Variants in CDC73 observed in about 807,000 individuals in gnomAD.
CDC73 encodes parafibromin.
Under a neutral mutation model 83.7 loss-of-function variants are expected in CDC73, and 21 were observed. The ratio of observed to expected loss-of-function variants is 0.25; its 90% CI spans 0.18 to 0.36. The LOEUF (loss-of-function observed/expected upper bound fraction) is 0.36, where lower values mean the gene tolerates loss of function less well. Ranked by LOEUF, CDC73 falls within the 10% of genes least tolerant of loss-of-function variation. CDC73 has a pLI of 1.00. For missense variants in CDC73, 342 were observed against 653.3 expected (o/e 0.52, Z 5.19); for synonymous variants, 224 against 212.9 (o/e 1.05, Z -0.45).
chr1:193,223,086 C>G (rs989557308), intron 13 of CDC73, among the ~76,000 whole-genome samples: 9 of 151,996 alleles, frequency 5.9e-5, no homozygotes, highest in Admixed American at 1.3e-4. Flanking sequence ...TTCTTTTTTA[C>G]TGTACATATT....
chr1:193,181,576 A>G (rs2103159536), intron 10 of CDC73: 1 of 1,561,958 alleles, frequency 6.4e-7, no homozygotes, highest in Non-Finnish European at 8.6e-7. Flanking sequence ...GTAAATATCC[A>G]GTAGTGGTAT....
intron 1 of CDC73, among the ~76,000 whole-genome samples, chr1:193,124,633 A>G (rs1382171452): frequency 6.6e-6 from 1 of 152,214 alleles, no homozygotes; most frequent in Admixed American, 6.5e-5. Flanking sequence ...GGATGCCATA[A>G]CAGTCATACC....
At chr1:193,220,858 TA>T (rs1482163043) in intron 13 of CDC73, among the ~76,000 whole-genome samples, 6 of 152,308 alleles carry the variant, frequency 3.9e-5, no homozygotes, top group African/African-American at 1.4e-4. Context: ...ATAGATATGA[TA>T]ATATAACAGA....
chr1:193,125,736 C>T (rs576579024), intron 2 of CDC73, among the ~76,000 whole-genome samples: 16 of 151,728 alleles, frequency 1.1e-4, no homozygotes, highest in African/African-American at 2.9e-4. Context: ...CCCACCATGC[C>T]GGGCTAATTT....
chr1:193,122,058 G>C lies in CDC73; in HGVS notation c.-143G>C, dbSNP rs778446879. The C allele has an allele frequency of 3.4e-4, 259 of 751,366 alleles. No individual in the cohort carries two copies. The highest frequency in any genetic ancestry group is 3.2e-4 in the Non-Finnish European group (141 of 441,458). The allele number at this position is 751,366 out of a possible 1,614,324, so 46.5% of individuals were successfully genotyped here. On this transcript the variant is annotated 5_prime_UTR_variant, in exon 1 of 17. Transcript: ENST00000367435. ...TACTGCCCCTGCTGCTGTCGTAGGC[G>C]AGGACGGCTGTTAGTGCTGCTGCTG... is the stretch of plus-strand genomic sequence containing the variant.
intron 7 of CDC73, among the ~76,000 whole-genome samples, chr1:193,142,981 G>A (rs1675932357): frequency 6.6e-6 from 1 of 152,066 alleles, no homozygotes; most frequent in African/African-American, 2.4e-5. Flanking sequence ...TAATAATGAT[G>A]ATCTAGTAAG....
chr1:193,210,990 G>A (rs1374753758), intron 11 of CDC73, among the ~76,000 whole-genome samples: 2 of 152,102 alleles, frequency 1.3e-5, no homozygotes, highest in East Asian at 3.8e-4. Context: ...GTATTTGCTC[G>A]TATGCTCTCT....
chr1:193,125,760 T>A (rs973359048), intron 2 of CDC73, among the ~76,000 whole-genome samples: 7 of 137,520 alleles, frequency 5.1e-5, no homozygotes, highest in African/African-American at 1.7e-4. Flanking sequence ...TATTAACACA[T>A]TTTTTTTTTT....
intron 15 of CDC73, among the ~76,000 whole-genome samples, chr1:193,242,244 T>C (rs1677876085): frequency 6.6e-6 from 1 of 152,030 alleles, no homozygotes; most frequent in Non-Finnish European, 1.5e-5. Flanking sequence ...TTAGGGCATG[T>C]GTAGGACCCA....
rs2103111203 is a variant in CDC73 at position 193,122,063 on chromosome 1, C to T, written c.-138C>T. The T allele has an allele frequency of 1.3e-6, 1 of 770,670 alleles. No individual in the cohort carries two copies. The highest frequency in any genetic ancestry group is 2.2e-6 in the Non-Finnish European group (1 of 455,694). 47.7% of individuals were successfully genotyped at this position (770,670 alleles called of 1,614,324 possible). A position where few individuals can be genotyped will look rare whatever the true frequency, so the allele number is the denominator to read the frequency against. ...CCCCTGCTGCTGTCGTAGGCGAGGA[C>T]GGCTGTTAGTGCTGCTGCTGTTGGT... On this transcript the variant is annotated 5_prime_UTR_variant, in exon 1 of 17. In the 5' UTR this introduces an upstream ATG that the reference lacks. Transcript: ENST00000367435.
In CDC73 at chr1:193,158,564, G is replaced by T. The variant is rs370006589; in HGVS notation, c.972+6120G>T. Among the ~76,000 whole-genome samples the T allele has an allele frequency of 2.0e-4, 31 of 152,090 alleles. 1 individual carries two copies. The South Asian group carries it at 6.4e-3, about 32-fold the overall frequency. On this transcript the variant is annotated intron_variant, in intron 10 of 16. Coordinates refer to ENST00000367435, the MANE Select transcript of CDC73 (RefSeq NM_024529.5). ...TATAAAGTGTTCAGGATTTTAATAT[G>T]TAGTTACATAATTATAAGTAGGAAT...
At chr1:193,137,033 A>G (rs1020277294) in intron 5 of CDC73, among the ~76,000 whole-genome samples, 6 of 152,196 alleles carry the variant, frequency 3.9e-5, no homozygotes, top group African/African-American at 9.7e-5. Flanking sequence ...ATAAACAGCT[A>G]TGGTTTTCAA....
intron 12 of CDC73, 53 bp downstream of exon 12, chr1:193,212,153 A>T (rs1432509140): frequency 2.9e-6 from 4 of 1,379,166 alleles, no homozygotes; most frequent in African/African-American, 1.4e-5. Context: ...AATGATTGCA[A>T]AACCAGGCCT....
rs182645318 is a variant in CDC73, at chr1:193,130,143, T to A, written c.238-31T>A. 295 of 994,842 alleles carry A rather than the reference T, an allele frequency of 3.0e-4. No homozygotes were observed. Among genetic ancestry groups the A allele is most frequent in the Middle Eastern group, 1.2e-3 (5 of 4,220 alleles). 61.6% of individuals were successfully genotyped at this position (994,842 alleles called of 1,614,324 possible). On this transcript the variant is annotated intron_variant, in intron 2 of 16. Coordinates refer to ENST00000367435, the MANE Select transcript of CDC73 (RefSeq NM_024529.5). The stretch of plus-strand genomic sequence containing the variant: ...TTAAGTTGTGTATCATTGTTATTCA[T>A]TTCATATCTCATTTAAAATTTTGGT...
At chr1:193,183,496 G>A (rs1676754164) in intron 10 of CDC73, among the ~76,000 whole-genome samples, 1 of 150,188 alleles carries the variant, frequency 6.7e-6, no homozygotes, top group Admixed American at 6.7e-5. Flanking sequence ...GCTATTCACT[G>A]TACCAACAAA....
At chr1:193,224,350 T>TATATGAAATATGCATTCACATATACAC (rs1572209735) in intron 13 of CDC73, among the ~76,000 whole-genome samples, 2 of 152,084 alleles carry the variant, frequency 1.3e-5, no homozygotes, top group South Asian at 2.1e-4. Context: ...TATATATATA[T>TATATGAAATATGCATTCACATATACAC]ATATATGAAA....
intron 15 of CDC73, among the ~76,000 whole-genome samples, chr1:193,243,031 CA>C (rs1156771416): frequency 6.6e-6 from 1 of 151,480 alleles, no homozygotes; most frequent in Non-Finnish European, 1.5e-5. Context: ...TGGCTCCCTG[CA>C]ACCCCCAGGT....
chr1:193,208,041 C>G (rs781308517), intron 11 of CDC73, among the ~76,000 whole-genome samples: 7 of 152,190 alleles, frequency 4.6e-5, no homozygotes, highest in Non-Finnish European at 1.0e-4. Flanking sequence ...ATAAATTTTT[C>G]CCTGCTATTT....
intron 15 of CDC73, among the ~76,000 whole-genome samples, chr1:193,241,649 C>T (rs911647680): frequency 1.3e-5 from 2 of 152,020 alleles, no homozygotes; most frequent in Non-Finnish European, 2.9e-5. Flanking sequence ...GGGGTGTGTG[C>T]GGGTGGGTAA....
Sources: allele counts gnomAD v4.1 joint callset (sites outside exome capture counted in the v4.1 genomes callset), GRCh38; gene constraint gnomAD v4.1.1; transcripts MANE v1.5; gene names NCBI Gene and HGNC (gene_info 2026-07-23, HGNC 2026-07-21).